ALPK1: variants seen among roughly 807,000 people sequenced by gnomAD.
ALPK1 encodes the protein alpha kinase 1.
Under a neutral mutation model 120.6 loss-of-function variants are expected in ALPK1, and 110 were observed. That is an observed-to-expected ratio of 0.91 (90% CI 0.78 to 1.07). The LOEUF (loss-of-function observed/expected upper bound fraction) is 1.07, where lower values mean the gene tolerates loss of function less well. Among genes scored for constraint, ALPK1 ranks in the 50% least tolerant of loss-of-function variants. The pLI, the probability that ALPK1 is intolerant of heterozygous loss-of-function variation, is 0.00. For synonymous variants in ALPK1, 582 were observed against 560.3 expected, an observed-to-expected ratio of 1.04 and a Z score of -0.55; for missense variants, 1,498 against 1,483.9, an observed-to-expected ratio of 1.01 and a Z score of -0.16.
At chr4:112,383,929 T>C (rs1457930349) in intron 4 of ALPK1, 5 of 152,252 alleles carry the variant, frequency 3.3e-5, no homozygotes, top group Non-Finnish European at 4.4e-5. Flanking sequence ...TCATCTAATA[T>C]AATGCCTATT....
chr4:112,335,210 C>G (rs994124830), intron 2 of ALPK1, among the ~76,000 whole-genome samples: 2 of 149,226 alleles, frequency 1.3e-5, no homozygotes, highest in Admixed American at 1.3e-4. Flanking sequence ...GAGTCAAGAT[C>G]GTGCCATTGC....
intron 4 of ALPK1, among the ~76,000 whole-genome samples, chr4:112,390,992 A>G (rs1732389163): frequency 6.6e-6 from 1 of 152,198 alleles, no homozygotes; most frequent in South Asian, 2.1e-4. Flanking sequence ...TATCTAAGAG[A>G]CATTATGAAA....
chr4:112,423,699 T>G, intron 5 of ALPK1: 1 of 631,678 alleles, frequency 1.6e-6, no homozygotes. Context: ...AATTATCACA[T>G]ACATATGAAT....
chr4:112,301,263 G>A (rs10034239), intron 1 of ALPK1, among the ~76,000 whole-genome samples: 2,545 of 152,240 alleles, frequency 0.017, 34 homozygotes, highest in East Asian at 0.044. Flanking sequence ...ATATATTAAT[G>A]TATTAGGTTT....
Position 112,349,558 on chromosome 4 carries a change from C to CCCG in ALPK1, c.-100-28118_-100-28116dup, listed in dbSNP as rs1553939418. 2.8e-5 allele frequency among the ~76,000 whole-genome samples: 4 copies of CCCG among 145,078 alleles called. No homozygotes were observed. In the East Asian group the frequency reaches 6.3e-4, roughly 23 times the overall value. ...ATTACCGCCCCAACCCCTGCCCCCC[C>CCCG]CCGCTTTATTTTTGAGACAGAGTTT... On this transcript the variant is annotated intron_variant, in intron 2 of 15. Transcript: ENST00000650871.
chr4:112,431,627 G>A lies in ALPK1; in HGVS notation c.2080G>A (p.Ala694Thr). ...LAPGAGLLEGAPEGIQEVRNM... is the reference protein window; with the variant it reads ...LAPGAGLLEGTPEGIQEVRNM... Reference sequence around the variant, plus strand: ...CCCTGGTGCAGGGCTTCTAGAAGGAGCTCCAGAAGGTATCCAGGAAGTCAG... The same window carrying A: ...CCCTGGTGCAGGGCTTCTAGAAGGAACTCCAGAAGGTATCCAGGAAGTCAG... Residue 694 changes from alanine (A) to threonine (T), a missense_variant, in exon 11 of 16, where the codon GCT (alanine) becomes ACT (threonine). Coordinates refer to ENST00000650871, the MANE Select transcript of ALPK1 (RefSeq NM_025144.4). The A allele has an allele frequency of 6.2e-7, 1 of 1,614,168 alleles. No individual in the cohort carries two copies. Among genetic ancestry groups the A allele is most frequent in the Non-Finnish European group, 8.5e-7 (1 of 1,180,032 alleles).
chr4:112,341,716 A>T (rs935040890), intron 2 of ALPK1, among the ~76,000 whole-genome samples: 3 of 152,212 alleles, frequency 2.0e-5, no homozygotes, highest in African/African-American at 7.2e-5. Flanking sequence ...TCATTACAAG[A>T]ACGAAACAAC....
In ALPK1 at chr4:112,382,460, G is replaced by A. The variant is rs188866014; in HGVS notation, c.184G>A (p.Val62Met). 156 of 1,614,054 alleles carry A rather than the reference G, an allele frequency of 9.7e-5. No homozygotes were observed. The highest frequency in any genetic ancestry group is 5.0e-4 in the Middle Eastern group (3 of 6,060). ...QEAKEMKWPF[V>M]PEKWQYKQAV... ...GGCAAAGGAAATGAAGTGGCCCTTCGTGCCTGAAAAGTGGCAGTACAAACA... is the reference window on the plus strand; with the variant it reads ...GGCAAAGGAAATGAAGTGGCCCTTCATGCCTGAAAAGTGGCAGTACAAACA... Residue 62 changes from valine to methionine, a missense_variant, in exon 4 of 16, where the codon GTG becomes ATG. By Grantham distance (21) the Val-to-Met change is conservative (BLOSUM62 1). Coordinates refer to ENST00000650871, the MANE Select transcript of ALPK1 (RefSeq NM_025144.4).
chr4:112,366,738 AC>A (rs1731173228), intron 2 of ALPK1, among the ~76,000 whole-genome samples: 1 of 152,214 alleles, frequency 6.6e-6, no homozygotes, highest in South Asian at 2.1e-4. Flanking sequence ...TGAAAAAGAT[AC>A]TTGCACATGC....
At chr4:112,385,092 A>G (rs906606270) in intron 4 of ALPK1, among the ~76,000 whole-genome samples, 12 of 152,198 alleles carry the variant, frequency 7.9e-5, no homozygotes, top group Non-Finnish European at 1.8e-4. Context: ...GCACATCACT[A>G]TAACTGGGGT....
intron 4 of ALPK1, chr4:112,384,926 G>C (rs956341052): frequency 1.3e-5 from 2 of 152,216 alleles, no homozygotes; most frequent in Non-Finnish European, 2.9e-5. Context: ...TACTTGCTTG[G>C]AGATCCCTTG....
intron 6 of ALPK1, chr4:112,425,158 C>G (rs1032400488): frequency 1.3e-5 from 2 of 152,340 alleles, no homozygotes; most frequent in African/African-American, 4.8e-5. Context: ...CTTCTCATAC[C>G]CTCTTGGTAC....
At chr4:112,349,618 A>G (rs1334620225) in intron 2 of ALPK1, among the ~76,000 whole-genome samples, 1 of 135,518 alleles carries the variant, frequency 7.4e-6, no homozygotes, top group East Asian at 2.5e-4. Flanking sequence ...CAGTGGTGCA[A>G]TCTTGGCTCA....
At chr4:112,403,803 C>A (rs1733034836) in intron 4 of ALPK1, among the ~76,000 whole-genome samples, 1 of 152,190 alleles carries the variant, frequency 6.6e-6, no homozygotes, top group Non-Finnish European at 1.5e-5. Context: ...ACTCAAAGGC[C>A]CTTTTGTCTG....
intron 4 of ALPK1, among the ~76,000 whole-genome samples, chr4:112,394,987 A>G (rs573067626): frequency 6.6e-6 from 1 of 152,338 alleles, no homozygotes; most frequent in East Asian, 1.9e-4. Context: ...TGTTAGGTAA[A>G]TAAGGAGCTG....
Position 112,387,426 on chromosome 4 carries a change from G to A in ALPK1, c.276+4874G>A, listed in dbSNP as rs1218974314. Among the ~76,000 whole-genome samples, 4 of 152,186 alleles carry A rather than the reference G, an allele frequency of 2.6e-5. No homozygotes were observed. In the East Asian group the frequency reaches 5.8e-4, roughly 22 times the overall value. On this transcript the variant is annotated intron_variant, in intron 4 of 15. Transcript: ENST00000650871. ...GCTGGAGGGAGACTGGCTTATTTCTGTGGAGGGAGGGGCCTGCTGTCAGTC... is the reference window on the plus strand; with the variant it reads ...GCTGGAGGGAGACTGGCTTATTTCTATGGAGGGAGGGGCCTGCTGTCAGTC...
At chr4:112,324,444 C>T (rs946173744) in intron 2 of ALPK1, among the ~76,000 whole-genome samples, 1 of 151,670 alleles carries the variant, frequency 6.6e-6, no homozygotes, top group Non-Finnish European at 1.5e-5. Context: ...GTTGGCCTGG[C>T]TTTTTTTGTT....
chr4:112,434,335 C>T (rs988629321), intron 11 of ALPK1, among the ~76,000 whole-genome samples: 3 of 152,204 alleles, frequency 2.0e-5, no homozygotes, highest in Non-Finnish European at 2.9e-5. Flanking sequence ...GTCACCATCC[C>T]GCCCAGCCCA....
intron 2 of ALPK1, among the ~76,000 whole-genome samples, chr4:112,350,791 C>A (rs1374497044): frequency 3.9e-5 from 6 of 152,222 alleles, no homozygotes; most frequent in Admixed American, 2.0e-4. Flanking sequence ...TGGACACTAT[C>A]TGCCTCTCAG....
Sources: allele counts gnomAD v4.1 joint callset (sites outside exome capture counted in the v4.1 genomes callset), GRCh38; gene constraint gnomAD v4.1.1; transcripts MANE v1.5; gene names NCBI Gene and HGNC (gene_info 2026-07-23, HGNC 2026-07-21).